The following NKAIN3 variants were observed in gnomAD, a reference collection of about 807,000 sequenced individuals.
NKAIN3 encodes the protein sodium/potassium-transporting ATPase subunit beta-1-interacting protein 3.
A neutral mutation model predicts 30.2 loss-of-function variants in NKAIN3; 25 were observed. That is an observed-to-expected ratio of 0.83 (90% confidence interval 0.60 to 1.16). The LOEUF is 1.16. NKAIN3 is among the 50% of genes most tolerant of loss of function. The pLI is 0.00. For synonymous variants in NKAIN3, 91 were observed against 89.6 expected, an observed-to-expected ratio of 1.02 and a Z score of -0.09; for missense variants, 225 against 254.1, an observed-to-expected ratio of 0.89 and a Z score of 0.78.
chr8:62,394,559 G>A (rs1164313315), intron 1 of NKAIN3, among the ~76,000 whole-genome samples: 1 of 152,090 alleles, frequency 6.6e-6, no homozygotes, highest in Admixed American at 6.5e-5. Context: ...ACACAAGGCT[G>A]CCACTTCACA....
chr8:62,973,704 A>G lies in NKAIN3; in HGVS notation c.*8297A>G, dbSNP rs1020616708. 7.4e-6 allele frequency among the ~76,000 whole-genome samples: 1 copy of G among 135,136 alleles called. No homozygotes were observed. Among genetic ancestry groups the G allele is most frequent in the Non-Finnish European group, 1.5e-5 (1 of 67,728 alleles). The allele number at this position is 135,136 out of a possible 152,430, so 88.7% of individuals were successfully genotyped here. On this transcript the variant is annotated 3_prime_UTR_variant, in exon 7 of 7. Transcript: ENST00000623646. ...TTTGTCAATTTTGGCTTTTGTTGAC[A>G]TTGCTTTTGGTGTTTCAGTCATGAA...
intron 1 of NKAIN3, among the ~76,000 whole-genome samples, chr8:62,464,651 C>T (rs1048708221): frequency 6.6e-6 from 1 of 152,012 alleles, no homozygotes; most frequent in Non-Finnish European, 1.5e-5. Flanking sequence ...GAAAAGTCTC[C>T]CGTGATGGGT....
chr8:62,701,812 T>G (rs1423763382), intron 3 of NKAIN3, among the ~76,000 whole-genome samples: 1 of 152,182 alleles, frequency 6.6e-6, no homozygotes, highest in East Asian at 1.9e-4. Context: ...ATTTCACCTC[T>G]TATTTGAAGC....
At chr8:62,502,803 C>T (rs150854978) in intron 1 of NKAIN3, among the ~76,000 whole-genome samples, 111 of 152,264 alleles carry the variant, frequency 7.3e-4, no homozygotes, top group African/African-American at 2.4e-3. Context: ...TCAATGTGTT[C>T]GAAGTGCAAT....
intron 4 of NKAIN3, among the ~76,000 whole-genome samples, chr8:62,915,218 C>T (rs923325662): frequency 2.0e-5 from 3 of 152,170 alleles, no homozygotes; most frequent in African/African-American, 7.2e-5. Context: ...TCTCTGGAAC[C>T]TGTGAATAAA....
chr8:62,759,957 T>TGATGATGATATGAACATCATCAA, intron 4 of NKAIN3, among the ~76,000 whole-genome samples: 1 of 152,052 alleles, frequency 6.6e-6, no homozygotes, highest in South Asian at 2.1e-4. Flanking sequence ...CATCAACAAG[T>TGATGATGATATGAACATCATCAA]GGGTGAAGGA....
intron 1 of NKAIN3, among the ~76,000 whole-genome samples, chr8:62,454,160 C>A (rs1484421062): frequency 1.3e-5 from 2 of 151,766 alleles, no homozygotes; most frequent in African/African-American, 4.8e-5. Flanking sequence ...GTGTTGTGGA[C>A]TTCACTCCAT....
intron 1 of NKAIN3, among the ~76,000 whole-genome samples, chr8:62,251,728 T>C (rs183651942): frequency 3.3e-5 from 5 of 152,334 alleles, no homozygotes; most frequent in Admixed American, 2.0e-4. Flanking sequence ...TTAAAAAGCC[T>C]AGACAATCAA....
At chr8:62,964,522 A>AAGAGAG (rs529053270) in intron 6 of NKAIN3, among the ~76,000 whole-genome samples, 121 of 135,278 alleles carry the variant, frequency 8.9e-4, no homozygotes, top group East Asian at 2.6e-3. Context: ...CCAGTAGAGA[A>AAGAGAG]AGAGAGAGAG....
chr8:62,495,224 T>C (rs549413402), intron 1 of NKAIN3, among the ~76,000 whole-genome samples: 9 of 152,186 alleles, frequency 5.9e-5, no homozygotes, highest in African/African-American at 2.2e-4. Context: ...GATAAAATAG[T>C]TTTTGAATTA....
chr8:62,965,450 C>A lies in NKAIN3; in HGVS notation c.*43C>A, dbSNP rs551101457. The stretch of plus-strand genomic sequence containing the variant: ...ACTGCGCGCCTCGGTGGATCCGACC[C>A]GCCTGACATTCCTTCCAGAGGCTAG... On this transcript the variant is annotated 3_prime_UTR_variant, in exon 7 of 7. Coordinates refer to ENST00000623646, the MANE Select transcript of NKAIN3 (RefSeq NM_001304533.3). The A allele has an allele frequency of 1.7e-5, 17 of 985,558 alleles. No individual in the cohort carries two copies. The highest frequency in any genetic ancestry group is 2.0e-5 in the Non-Finnish European group (17 of 829,864). The allele number at this position is 985,558 out of a possible 1,614,324, so 61.1% of individuals were successfully genotyped here.
intron 4 of NKAIN3, among the ~76,000 whole-genome samples, chr8:62,781,094 C>A (rs1173136872): frequency 6.6e-6 from 1 of 151,598 alleles, no homozygotes; most frequent in East Asian, 1.9e-4. Flanking sequence ...TTGCAGGATA[C>A]AAAATTAACA....
intron 3 of NKAIN3, among the ~76,000 whole-genome samples, chr8:62,591,967 T>C (rs1425608038): frequency 1.3e-5 from 2 of 152,046 alleles, no homozygotes; most frequent in African/African-American, 4.8e-5. Flanking sequence ...CTTTCTAGAT[T>C]CTCCATCTCC....
intron 1 of NKAIN3, among the ~76,000 whole-genome samples, chr8:62,444,894 AC>A (rs1344606325): frequency 1.3e-5 from 2 of 151,770 alleles, no homozygotes; most frequent in Non-Finnish European, 2.9e-5. Flanking sequence ...TTCTGATAAA[AC>A]CCATTTTAAC....
At chr8:62,870,379 C>T (rs1398684090) in intron 4 of NKAIN3, among the ~76,000 whole-genome samples, 1 of 134,462 alleles carries the variant, frequency 7.4e-6, no homozygotes, top group Non-Finnish European at 1.5e-5. Context: ...AATATATACA[C>T]TATATATGTA....
intron 4 of NKAIN3, among the ~76,000 whole-genome samples, chr8:62,835,921 A>G (rs1165065220): frequency 6.6e-6 from 1 of 152,150 alleles, no homozygotes; most frequent in African/African-American, 2.4e-5. Flanking sequence ...AATGGCAAAG[A>G]CATGGAGTCA....
At chr8:62,897,495 G>T (rs1369771479) in intron 4 of NKAIN3, among the ~76,000 whole-genome samples, 2 of 152,086 alleles carry the variant, frequency 1.3e-5, no homozygotes, top group Non-Finnish European at 2.9e-5. Flanking sequence ...TCCCAATGGG[G>T]ACATAGACAC....
rs142637954 is a variant in NKAIN3, at chr8:62,885,062, A to G, written c.472-33391A>G. On this transcript the variant is annotated intron_variant, in intron 4 of 6. Transcript: ENST00000623646. ...ATTGCTCTTCTTTTTCTAGTTTCCTAAAGTAGGAGCTTAGATTATTTATTT... is the reference window on the plus strand; with the variant it reads ...ATTGCTCTTCTTTTTCTAGTTTCCTGAAGTAGGAGCTTAGATTATTTATTT... Among the ~76,000 whole-genome samples, 20 of 152,190 alleles carry G rather than the reference A, an allele frequency of 1.3e-4. No homozygotes were observed. In the East Asian group the frequency reaches 3.9e-3, roughly 29 times the overall value.
intron 3 of NKAIN3, among the ~76,000 whole-genome samples, chr8:62,643,453 T>C (rs2130306399): frequency 6.6e-6 from 1 of 152,196 alleles, no homozygotes; most frequent in South Asian, 2.1e-4. Context: ...TGTGGAGAAT[T>C]GGGCCCAAAA....
Sources: allele counts gnomAD v4.1 joint callset (sites outside exome capture counted in the v4.1 genomes callset), GRCh38; gene constraint gnomAD v4.1.1; transcripts MANE v1.5; gene names NCBI Gene and HGNC (gene_info 2026-07-23, HGNC 2026-07-21).